TNFRSF9: variants seen among roughly 807,000 people sequenced by gnomAD.
TNFRSF9 encodes the protein TNF receptor superfamily member 9, also known as tumor necrosis factor receptor superfamily member 9.
Under a neutral mutation model 28.8 loss-of-function variants are expected in TNFRSF9, and 16 were observed. The ratio of observed to expected loss-of-function variants is 0.55; its 90% CI spans 0.38 to 0.84. TNFRSF9 has a LOEUF of 0.84. Among genes scored for constraint, TNFRSF9 ranks in the 40% least tolerant of loss-of-function variants. The probability of loss-of-function intolerance (pLI) is 0.00; values close to 1 mark genes in which losing one functional copy is unlikely to be tolerated. For missense variants in TNFRSF9, 303 were observed against 315.0 expected, an observed-to-expected ratio of 0.96 and a Z score of 0.29; for synonymous variants, 131 against 117.0, an observed-to-expected ratio of 1.12 and a Z score of -0.77.
intron 7 of TNFRSF9, among the ~76,000 whole-genome samples, chr1:7,930,149 T>G (rs897505851): frequency 6.6e-6 from 1 of 151,902 alleles, no homozygotes; most frequent in African/African-American, 2.4e-5. Context: ...TTTTGTATTT[T>G]TAGTAGAGAC....
chr1:7,938,834 A>C lies in TNFRSF9; in HGVS notation c.101-6T>G. ...GTTATTATCACAGAATGTACCTAAGAAAGGCAGACAATAGTGGTACACGTT... is the reference window on the plus strand; with the variant it reads ...GTTATTATCACAGAATGTACCTAAGCAAGGCAGACAATAGTGGTACACGTT... On this transcript the variant is annotated splice_polypyrimidine_tract_variant and splice_region_variant and intron_variant, in intron 2 of 7. Transcript: ENST00000377507. The C allele has an allele frequency of 6.3e-7, 1 of 1,599,694 alleles. No individual in the cohort carries two copies. Among genetic ancestry groups the C allele is most frequent in the East Asian group, 2.2e-5 (1 of 44,760 alleles).
At chr1:7,939,803 T>A in intron 2 of TNFRSF9, 92 bp downstream of exon 2, 8 of 925,486 alleles carry the variant, frequency 8.6e-6, no homozygotes, top group Admixed American at 2.4e-5. Context: ...TTTCCTTTCC[T>A]TAAAAGGGAG....
intron 7 of TNFRSF9, among the ~76,000 whole-genome samples, chr1:7,930,152 G>C (rs1639712466): frequency 6.6e-6 from 1 of 151,764 alleles, no homozygotes; most frequent in Non-Finnish European, 1.5e-5. Flanking sequence ...TGTATTTTTA[G>C]TAGAGACGGG....
chr1:7,940,459 C>A (rs76594232), intron 1 of TNFRSF9, among the ~76,000 whole-genome samples: 3 of 152,290 alleles, frequency 2.0e-5, no homozygotes, highest in East Asian at 3.9e-4. Flanking sequence ...GGGCATCAGA[C>A]AATTCAGTTC....
At chr1:7,937,881 TGAAACAACACCCTAAGATGGCTAG>T in intron 4 of TNFRSF9, 125 bp from the exon 5 acceptor site, 1 of 828,454 alleles carries the variant, frequency 1.2e-6, no homozygotes, top group East Asian at 2.6e-5. Context: ...CAATAATTCT[TGAAACAACACCCTAAGATGGCTAG>T]TTTTTATTTT....
intron 2 of TNFRSF9, among the ~76,000 whole-genome samples, chr1:7,939,428 A>G (rs1639869388): frequency 6.6e-6 from 1 of 152,188 alleles, no homozygotes; most frequent in Admixed American, 6.5e-5. Context: ...AAACAAAATG[A>G]TTATCTTGAT....
intron 7 of TNFRSF9, among the ~76,000 whole-genome samples, chr1:7,924,765 A>G (rs1341067282): frequency 2.0e-5 from 3 of 152,134 alleles, no homozygotes; most frequent in African/African-American, 4.8e-5. Context: ...TTTTGCCCCA[A>G]AGATCTTCCA....
intron 7 of TNFRSF9, among the ~76,000 whole-genome samples, chr1:7,932,162 T>C (rs1442243652): frequency 6.6e-6 from 1 of 152,168 alleles, no homozygotes; most frequent in Admixed American, 6.5e-5. Flanking sequence ...AAGACTTTAC[T>C]AATGCTGTTC....
At chr1:7,939,364 C>G (rs7530476) in intron 2 of TNFRSF9, among the ~76,000 whole-genome samples, 2 of 148,706 alleles carry the variant, frequency 1.3e-5, no homozygotes, top group Non-Finnish European at 3.0e-5. Context: ...AACAAAAAAA[C>G]CAGATATTGT....
At chr1:7,925,116 C>T (rs934027727) in intron 7 of TNFRSF9, among the ~76,000 whole-genome samples, 1 of 151,982 alleles carries the variant, frequency 6.6e-6, no homozygotes, top group Admixed American at 6.6e-5. Context: ...GAGTTCGAGA[C>T]CAGCCTAGCC....
chr1:7,936,437 A>ACAAG (rs367947022), intron 5 of TNFRSF9: 2,919 of 161,220 alleles, frequency 0.018, 97 homozygotes, highest in African/African-American at 0.066. Context: ...AAACAAACAA[A>ACAAG]CAAACAAAAC....
intron 5 of TNFRSF9, among the ~76,000 whole-genome samples, chr1:7,936,056 A>C (rs2151419123): frequency 6.6e-6 from 1 of 152,154 alleles, no homozygotes; most frequent in Non-Finnish European, 1.5e-5. Flanking sequence ...CCCAGTTCAA[A>C]CCCATTTTTC....
chr1:7,930,289 A>T (rs777328526), intron 7 of TNFRSF9, among the ~76,000 whole-genome samples: 27 of 152,258 alleles, frequency 1.8e-4, no homozygotes, highest in Middle Eastern at 6.8e-3. Flanking sequence ...TTCCCTGACC[A>T]GGAATCGAAC....
chr1:7,935,313 G>A (rs1382283701), intron 5 of TNFRSF9, among the ~76,000 whole-genome samples, 170 bp from the exon 6 acceptor site: 1 of 152,170 alleles, frequency 6.6e-6, no homozygotes, highest in Non-Finnish European at 1.5e-5. Context: ...TGACCATCTG[G>A]CTCCCTGCAG....
intron 1 of TNFRSF9, among the ~76,000 whole-genome samples, chr1:7,940,411 G>T (rs1639884452): frequency 6.6e-6 from 1 of 152,140 alleles, no homozygotes; most frequent in African/African-American, 2.4e-5. Flanking sequence ...ATTACTTATT[G>T]CCCCTGAAAT....
rs546018994 is a variant in TNFRSF9, at chr1:7,924,125, C to A, written c.680-3202G>T. ...ACATTGCAGCACAGCTCATTGCTCA[C>A]GTTTGTGGTGATACTGATGTAAAAA... On this transcript the variant is annotated intron_variant, in intron 7 of 7. Coordinates refer to ENST00000377507, the MANE Select transcript of TNFRSF9 (RefSeq NM_001561.6). Among the ~76,000 whole-genome samples the A allele has an allele frequency of 9.2e-5, 14 of 151,968 alleles. No homozygotes were observed. The East Asian group carries it at 2.7e-3, about 29-fold the overall frequency.
At chr1:7,921,857 A>C (rs1371882917) in intron 7 of TNFRSF9, 1 of 152,200 alleles carries the variant, frequency 6.6e-6, no homozygotes, top group Non-Finnish European at 1.5e-5. Flanking sequence ...CTTAAGCATG[A>C]ATCACTAAAC....
rs183065787 is a variant in TNFRSF9, at chr1:7,924,177, G to A, written c.680-3254C>T. ...CCTACTGAGCTGCCAGTTGTGTAAA[G>A]TGTAGCATATGCAATTATGTACAGC... On this transcript the variant is annotated intron_variant, in intron 7 of 7. Coordinates refer to ENST00000377507, the MANE Select transcript of TNFRSF9 (RefSeq NM_001561.6). 1.3e-3 allele frequency among the ~76,000 whole-genome samples: 202 copies of A among 151,984 alleles called. 1 individual carries two copies. The highest frequency in any genetic ancestry group is 4.7e-3 in the African/African-American group (195 of 41,470).
chr1:7,931,137 G>C (rs1639726263), intron 7 of TNFRSF9, among the ~76,000 whole-genome samples: 1 of 152,164 alleles, frequency 6.6e-6, no homozygotes, highest in African/African-American at 2.4e-5. Flanking sequence ...GTTATCAGGG[G>C]ATGTGGAGTA....
Sources: gnomAD v4.1 joint callset for allele counts (sites outside exome capture counted in the v4.1 genomes callset) on GRCh38, gnomAD v4.1.1 for gene constraint, MANE v1.5 for transcripts, NCBI Gene and HGNC (gene_info 2026-07-23, HGNC 2026-07-21) for gene names.